SH3D19: variants seen among roughly 807,000 people sequenced by gnomAD.
SH3D19 encodes the protein SH3 domain containing 19.
Under a neutral mutation model 112.1 loss-of-function variants are expected in SH3D19, and 58 were observed. That is an observed-to-expected ratio of 0.52 (90% CI 0.42 to 0.64). The LOEUF is 0.64. Among genes scored for constraint, SH3D19 ranks in the 30% least tolerant of loss-of-function variants. SH3D19 has a pLI of 0.00. For missense variants in SH3D19, 1,090 were observed against 1,263.4 expected (o/e 0.86, Z 2.08); for synonymous variants, 391 against 448.5 (o/e 0.87, Z 1.62).
rs1346415615 is a variant in SH3D19, at chr4:151,132,321, A to G, written c.2742+10T>C. 6.2e-7 allele frequency: 1 copy of G among 1,613,534 alleles called. No individual in the cohort carries two copies. The highest frequency in any genetic ancestry group is 1.3e-5 in the African/African-American group (1 of 74,920). ...GGCTGTCACTATAGTCATCTGTTCA[A>G]GCAGCCTACCTGAGAGTTTGAGCCA... On this transcript the variant is annotated intron_variant, in intron 17 of 19. Transcript: ENST00000604030.
intron 1 of SH3D19, among the ~76,000 whole-genome samples, chr4:151,316,824 G>A (rs1025320892): frequency 6.6e-6 from 1 of 152,176 alleles, no homozygotes; most frequent in African/African-American, 2.4e-5. Flanking sequence ...AAACAAGGGG[G>A]CCAGGCCTCT....
chr4:151,233,051 T>A (rs1769737922), intron 1 of SH3D19, among the ~76,000 whole-genome samples: 2 of 151,922 alleles, frequency 1.3e-5, no homozygotes, highest in Non-Finnish European at 2.9e-5. Context: ...CCACATTAGA[T>A]CCTCATAGGA....
chr4:151,205,289 C>T (rs530156306), intron 2 of SH3D19, among the ~76,000 whole-genome samples: 1 of 152,320 alleles, frequency 6.6e-6, no homozygotes, highest in African/African-American at 2.4e-5. Flanking sequence ...CTCTCTGAAA[C>T]CACATCATCT....
At chr4:151,294,484 CTGGG>C (rs768309010) in intron 1 of SH3D19, among the ~76,000 whole-genome samples, 5 of 152,216 alleles carry the variant, frequency 3.3e-5, no homozygotes, top group Non-Finnish European at 5.9e-5. Context: ...TTCATCACTA[CTGGG>C]TGGATGCACC....
chr4:151,294,836 A>G (rs7689875), intron 1 of SH3D19, among the ~76,000 whole-genome samples: 72,046 of 152,106 alleles, frequency 0.47, 17,430 homozygotes, highest in Non-Finnish European at 0.52. Flanking sequence ...TAATAAAATA[A>G]GAGAAGCAGA....
intron 19 of SH3D19, 84 bp from the exon 20 acceptor site, chr4:151,122,291 A>C: frequency 1.4e-6 from 1 of 713,878 alleles, no homozygotes; most frequent in Non-Finnish European, 2.5e-6. Flanking sequence ...CAGCATGAAT[A>C]ATCTTCTCTG....
intron 2 of SH3D19, among the ~76,000 whole-genome samples, chr4:151,195,863 A>G (rs1000423284): frequency 6.6e-6 from 1 of 151,862 alleles, no homozygotes; most frequent in Non-Finnish European, 1.5e-5. Context: ...CTGAAAAACA[A>G]CTGACTCATC....
chr4:151,134,286 T>G (rs1247658079), intron 15 of SH3D19, among the ~76,000 whole-genome samples: 1 of 151,830 alleles, frequency 6.6e-6, no homozygotes. Flanking sequence ...CAGCAGGTAA[T>G]GAATTCTATT....
In SH3D19 at chr4:151,175,505, G is replaced by A; in HGVS notation, c.699C>T (p.Asn233=). The change falls in exon 7 of 20, where the codon AAC becomes AAT. Residue 233 remains asparagine, a synonymous_variant. Transcript: ENST00000604030. ...GAGAATCTCTGGGTATTGGTCTGAG[G>A]TTGCTTTTTGATCTTGGTTTTGGCA... ...CPVPKPRSKS[N]LRPIPRDSHI... 7.1e-7 allele frequency: 1 copy of A among 1,416,716 alleles called. No homozygotes were observed. Among genetic ancestry groups the A allele is most frequent in the Non-Finnish European group, 9.2e-7 (1 of 1,089,806 alleles). The allele number at this position is 1,416,716 out of a possible 1,614,324, so 87.8% of individuals were successfully genotyped here.
intron 1 of SH3D19, chr4:151,226,651 C>T (rs1467124602): frequency 5.1e-6 from 1 of 197,058 alleles, no homozygotes; most frequent in Non-Finnish European, 9.2e-6. Context: ...AATTTTTGAT[C>T]GTCACAACTG....
chr4:151,175,151 C>G lies in SH3D19; in HGVS notation c.1053G>C (p.Gly351=). The G allele has an allele frequency of 6.2e-7, 1 of 1,614,052 alleles. No individual in the cohort carries two copies. The highest frequency in any genetic ancestry group is 8.5e-7 in the Non-Finnish European group (1 of 1,180,014). Residue 351 remains glycine (G), a synonymous_variant, in exon 7 of 20, where the codon GGG becomes GGC. Coordinates refer to ENST00000604030, the MANE Select transcript of SH3D19 (RefSeq NM_001378122.1). ...ANRASGEWDS[G]TENRLKVTSK... Reference sequence around the variant, plus strand: ...AGGTCACCTTGAGTCTGTTCTCAGTCCCAGAGTCCCACTCTCCAGAAGCTC... The same window carrying G: ...AGGTCACCTTGAGTCTGTTCTCAGTGCCAGAGTCCCACTCTCCAGAAGCTC...
chr4:151,297,296 C>T (rs1775776197), intron 1 of SH3D19, among the ~76,000 whole-genome samples: 1 of 152,206 alleles, frequency 6.6e-6, no homozygotes, highest in Admixed American at 6.5e-5. Flanking sequence ...CTATGTAAGC[C>T]TTCACTTTCC....
chr4:151,232,293 G>T (rs1268292234), intron 1 of SH3D19, among the ~76,000 whole-genome samples: 1 of 152,076 alleles, frequency 6.6e-6, no homozygotes, highest in Admixed American at 6.5e-5. Context: ...CAATTGTCTG[G>T]ACTCTTATGT....
Position 151,186,623 on chromosome 4 carries a change from G to A in SH3D19, c.193+800C>T, listed in dbSNP as rs181480584. On this transcript the variant is annotated intron_variant, in intron 3 of 19. Coordinates refer to ENST00000604030, the MANE Select transcript of SH3D19 (RefSeq NM_001378122.1). ...TAATTTTTGTATTTTTAGTAGAGAC[G>A]AGGTTTCACCATGTTGGTTGGGCTG... 4.7e-3 allele frequency among the ~76,000 whole-genome samples: 708 copies of A among 149,432 alleles called. 3 individuals carry two copies. Among genetic ancestry groups the A allele is most frequent in the African/African-American group, 0.017 (679 of 40,616 alleles).
intron 12 of SH3D19, among the ~76,000 whole-genome samples, chr4:151,142,217 T>G (rs1310326778): frequency 6.6e-6 from 1 of 152,254 alleles, no homozygotes; most frequent in Non-Finnish European, 1.5e-5. Flanking sequence ...CTCAATGAAT[T>G]TGTTAAACAT....
At chr4:151,166,846 C>T (rs141862550) in intron 7 of SH3D19, among the ~76,000 whole-genome samples, 2 of 152,278 alleles carry the variant, frequency 1.3e-5, no homozygotes, top group African/African-American at 2.4e-5. Flanking sequence ...TCTGATACTT[C>T]GCCTTCTCTT....
At chr4:151,214,310 TCC>T (rs1044247386) in intron 2 of SH3D19, among the ~76,000 whole-genome samples, 3 of 150,540 alleles carry the variant, frequency 2.0e-5, no homozygotes, top group African/African-American at 7.3e-5. Context: ...CTCAATCTTT[TCC>T]CCACCTTTCC....
intron 10 of SH3D19, among the ~76,000 whole-genome samples, chr4:151,149,252 G>A (rs542979634): frequency 5.3e-4 from 81 of 152,230 alleles, no homozygotes; most frequent in South Asian, 1.2e-3. Flanking sequence ...TTTAAGTTCA[G>A]AAATGAGTCT....
At chr4:151,153,336 C>T (rs1383662266) in intron 9 of SH3D19, among the ~76,000 whole-genome samples, 1 of 151,920 alleles carries the variant, frequency 6.6e-6, no homozygotes, top group African/African-American at 2.4e-5. Flanking sequence ...CAACCTCCAC[C>T]TCTGGGTTCA....
Sources: gnomAD v4.1 joint callset for allele counts (sites outside exome capture counted in the v4.1 genomes callset) on GRCh38, gnomAD v4.1.1 for gene constraint, MANE v1.5 for transcripts, NCBI Gene and HGNC (gene_info 2026-07-23, HGNC 2026-07-21) for gene names.